Variants in GBE1 observed in about 807,000 individuals in gnomAD.
GBE1 encodes the protein 1,4-alpha-glucan branching enzyme 1, also known as 1,4-alpha-glucan-branching enzyme.
In GBE1, 70 loss-of-function variants were observed where a neutral mutation model predicts 88.8. The ratio of observed to expected loss-of-function variants is 0.79; its 90% CI spans 0.65 to 0.96. GBE1 has a LOEUF of 0.96. Ranked by LOEUF, GBE1 falls within the 40% of genes least tolerant of loss-of-function variation. GBE1 has a pLI of 0.00. For synonymous variants in GBE1, 284 were observed against 300.1 expected, an observed-to-expected ratio of 0.95 and a Z score of 0.56; for missense variants, 872 against 871.0, an observed-to-expected ratio of 1.00 and a Z score of -0.01.
At position 81,761,114 on chromosome 3, in the gene GBE1, A is replaced by G. The variant is rs1292853509; in HGVS notation, c.143+261T>C. ...CACAGCACGTACCCTATGGCGCAAG[A>G]CCGCTGATTAGAACAGAGGGGAAAG... On this transcript the variant is annotated intron_variant, in intron 1 of 15. Coordinates refer to ENST00000429644, the MANE Select transcript of GBE1 (RefSeq NM_000158.4). Among the ~76,000 whole-genome samples the G allele has an allele frequency of 2.0e-5, 3 of 152,180 alleles. No homozygotes were observed. The East Asian group carries it at 5.8e-4, about 29-fold the overall frequency.
Position 81,673,768 on chromosome 3 carries a change from T to C in GBE1, c.314-2815A>G, listed in dbSNP as rs528429820. On this transcript the variant is annotated intron_variant, in intron 2 of 15. Transcript: ENST00000429644. ...AGCACATGCTGATTACTTGTAATTA[T>C]ACACTGTAAAAAACTTTTTTTCTTT... Among the ~76,000 whole-genome samples the C allele has an allele frequency of 1.9e-3, 296 of 151,992 alleles. 1 individual carries two copies. Among genetic ancestry groups the C allele is most frequent in the Middle Eastern group, 3.4e-3 (1 of 294 alleles).
chr3:81,695,805 C>T (rs1255505726), intron 2 of GBE1, among the ~76,000 whole-genome samples: 3 of 152,062 alleles, frequency 2.0e-5, no homozygotes, highest in Non-Finnish European at 4.4e-5. Flanking sequence ...AAGGTCATTC[C>T]TTCTTGCTGA....
In GBE1 at chr3:81,738,323, G is replaced by A. The variant is rs544527483; in HGVS notation, c.143+23052C>T. Among the ~76,000 whole-genome samples the A allele has an allele frequency of 5.3e-5, 8 of 150,506 alleles. No individual in the cohort carries two copies. In the East Asian group the frequency reaches 1.2e-3, roughly 22 times the overall value. On this transcript the variant is annotated intron_variant, in intron 1 of 15. Coordinates refer to ENST00000429644, the MANE Select transcript of GBE1 (RefSeq NM_000158.4). ...TCTAGTTCTAGATCCCTGAGGAATC[G>A]CCACACTGACTTCCACAATGGTTGA...
At chr3:81,628,201 T>C (rs1345464412) in intron 7 of GBE1, among the ~76,000 whole-genome samples, 1 of 152,152 alleles carries the variant, frequency 6.6e-6, no homozygotes, top group African/African-American at 2.4e-5. Context: ...TGCATTAGCA[T>C]ACATATTGTG....
At chr3:81,581,357 A>G (rs970733459) in intron 10 of GBE1, 82 bp from the exon 11 acceptor site, 2 of 759,004 alleles carry the variant, frequency 2.6e-6, no homozygotes, top group Admixed American at 3.0e-5. Flanking sequence ...GTTATGCATT[A>G]TATCAGTGCA....
chr3:81,740,225 AAATAAT>A (rs1452157459), intron 1 of GBE1, among the ~76,000 whole-genome samples: 1 of 152,168 alleles, frequency 6.6e-6, no homozygotes, highest in South Asian at 2.1e-4. Flanking sequence ...ACCCTTTCTC[AAATAAT>A]AATAATAATA....
At chr3:81,692,883 A>G (rs1241545189) in intron 2 of GBE1, among the ~76,000 whole-genome samples, 1 of 152,226 alleles carries the variant, frequency 6.6e-6, no homozygotes, top group African/African-American at 2.4e-5. Context: ...TAAGAATATT[A>G]CTAAAACTCA....
chr3:81,598,321 C>A (rs138637842), intron 7 of GBE1, among the ~76,000 whole-genome samples: 1 of 151,794 alleles, frequency 6.6e-6, no homozygotes, highest in Admixed American at 6.6e-5. Context: ...CATAAAACCA[C>A]GAATCAAAAA....
chr3:81,542,062 G>T (rs1283388866), intron 12 of GBE1, among the ~76,000 whole-genome samples: 4 of 151,802 alleles, frequency 2.6e-5, no homozygotes, highest in African/African-American at 9.7e-5. Flanking sequence ...ATCCACATCT[G>T]TATATTTATA....
intron 12 of GBE1, among the ~76,000 whole-genome samples, chr3:81,559,811 A>G (rs1018781781): frequency 6.6e-6 from 1 of 152,020 alleles, no homozygotes; most frequent in Non-Finnish European, 1.5e-5. Context: ...TTTAGAAGCT[A>G]TCAGAAAAGT....
intron 12 of GBE1, among the ~76,000 whole-genome samples, chr3:81,564,106 G>T (rs543081375): frequency 6.6e-6 from 1 of 152,060 alleles, no homozygotes. Flanking sequence ...CTTACATCAC[G>T]AATGGAACTA....
intron 1 of GBE1, among the ~76,000 whole-genome samples, chr3:81,754,073 C>T (rs1411087125): frequency 6.6e-6 from 1 of 151,994 alleles, no homozygotes; most frequent in African/African-American, 2.4e-5. Flanking sequence ...AAGACTCCAC[C>T]CAAAAGCTGT....
intron 15 of GBE1, among the ~76,000 whole-genome samples, chr3:81,496,559 G>A (rs1191530603): frequency 6.6e-6 from 1 of 152,166 alleles, no homozygotes; most frequent in Admixed American, 6.5e-5. Flanking sequence ...TGCAAGTATG[G>A]GAGGTATGAG....
At chr3:81,700,793 G>C (rs939799989) in intron 2 of GBE1, among the ~76,000 whole-genome samples, 2 of 151,950 alleles carry the variant, frequency 1.3e-5, no homozygotes, top group African/African-American at 4.8e-5. Flanking sequence ...TTTTTCTATA[G>C]GCATAAAAAT....
chr3:81,563,661 G>A (rs530252847), intron 12 of GBE1, among the ~76,000 whole-genome samples: 21 of 152,140 alleles, frequency 1.4e-4, no homozygotes, highest in African/African-American at 5.1e-4. Flanking sequence ...TGAGTCACTG[G>A]GGCTCACGGT....
intron 1 of GBE1, among the ~76,000 whole-genome samples, chr3:81,750,525 A>ATATATATATATGTATATATATATATATG (rs1559708243): frequency 2.5e-5 from 2 of 80,740 alleles, no homozygotes; most frequent in African/African-American, 1.5e-4. Context: ...CAAAACATTC[A>ATATATATATATGTATATATATATATATG]TATATATATA....
In GBE1 at chr3:81,580,070, C is replaced by T. The variant is rs140234410; in HGVS notation, c.1446+1095G>A. 6.5e-3 allele frequency among the ~76,000 whole-genome samples: 985 copies of T among 152,110 alleles called. 3 individuals are homozygous for T. The highest frequency in any genetic ancestry group is 0.017 in the Middle Eastern group (5 of 294). ...GAGACACCTGAAAAAATCATGTTTG[C>T]GTTAAATGGCCAATTTCTGCAAAAA... On this transcript the variant is annotated intron_variant, in intron 11 of 15. Transcript: ENST00000429644.
intron 3 of GBE1, among the ~76,000 whole-genome samples, chr3:81,664,548 A>C (rs1374307096): frequency 6.6e-6 from 1 of 152,264 alleles, no homozygotes; most frequent in South Asian, 2.1e-4. Context: ...GAAAAGAAAA[A>C]GAAAACCAAC....
intron 2 of GBE1, among the ~76,000 whole-genome samples, chr3:81,685,106 A>G (rs749554671): frequency 6.6e-6 from 1 of 152,194 alleles, no homozygotes; most frequent in Non-Finnish European, 1.5e-5. Context: ...AATAATAAAA[A>G]TCATGCATTG....
Sources: allele counts gnomAD v4.1 joint callset (sites outside exome capture counted in the v4.1 genomes callset), GRCh38; gene constraint gnomAD v4.1.1; transcripts MANE v1.5; gene names NCBI Gene and HGNC (gene_info 2026-07-23, HGNC 2026-07-21).